The following EIF4E2 variants were observed in gnomAD, a reference collection of about 807,000 sequenced individuals.
EIF4E2 encodes eukaryotic translation initiation factor 4E type 2.
In EIF4E2, 13 loss-of-function variants were observed where a neutral mutation model predicts 34.2. That is an observed-to-expected ratio of 0.38 (90% CI 0.25 to 0.60). The LOEUF is 0.60. EIF4E2 is among the 20% of genes least tolerant of loss of function. The pLI, the probability that EIF4E2 is intolerant of heterozygous loss-of-function variation, is 0.62. For synonymous variants in EIF4E2, 100 were observed against 106.6 expected, an observed-to-expected ratio of 0.94 and a Z score of 0.38; for missense variants, 222 against 315.1, an observed-to-expected ratio of 0.70 and a Z score of 2.24.
intron 2 of EIF4E2, chr2:232,556,735 C>T: frequency 1.9e-6 from 1 of 534,606 alleles, no homozygotes; most frequent in Non-Finnish European, 3.4e-6. Flanking sequence ...TCTTGAGATG[C>T]TGCCTTGCTT....
intron 3 of EIF4E2, among the ~76,000 whole-genome samples, chr2:232,563,383 C>CCT (rs1692791644): frequency 6.8e-6 from 1 of 147,556 alleles, no homozygotes; most frequent in African/African-American, 2.5e-5. Flanking sequence ...GACCCTGTCT[C>CCT]TTTTTTTTTT....
At chr2:232,550,801 GC>G (rs1254328301) in intron 1 of EIF4E2, 57 bp downstream of exon 1, 3 of 1,482,514 alleles carry the variant, frequency 2.0e-6, no homozygotes, top group East Asian at 5.2e-5. Flanking sequence ...CCCCGCGCCC[GC>G]CCCCGCTGGG....
At chr2:232,559,488 A>G (rs1160299273) in intron 3 of EIF4E2, among the ~76,000 whole-genome samples, 2 of 152,348 alleles carry the variant, frequency 1.3e-5, no homozygotes, top group South Asian at 2.1e-4. Context: ...AGAATACTCC[A>G]GTAGGAAATA....
At chr2:232,575,794 G>A (rs1693197520) in intron 6 of EIF4E2, among the ~76,000 whole-genome samples, 1 of 152,118 alleles carries the variant, frequency 6.6e-6, no homozygotes, top group Admixed American at 6.5e-5. Flanking sequence ...CAGAAGCCAG[G>A]TGCTATAATG....
At chr2:232,559,843 A>G in intron 3 of EIF4E2, among the ~76,000 whole-genome samples, 1 of 144,230 alleles carries the variant, frequency 6.9e-6, no homozygotes, top group African/African-American at 2.5e-5. Flanking sequence ...AAAAAAAAAA[A>G]GGCTGGCCAT....
At chr2:232,557,113 C>T (rs990976521) in intron 2 of EIF4E2, among the ~76,000 whole-genome samples, 3 of 152,138 alleles carry the variant, frequency 2.0e-5, no homozygotes, top group East Asian at 3.9e-4. Flanking sequence ...GATGCTGTGG[C>T]GCGTGCCTGA....
At chr2:232,568,343 TC>T in intron 6 of EIF4E2, 2 of 985,442 alleles carry the variant, frequency 2.0e-6, no homozygotes, top group Non-Finnish European at 2.4e-6. Context: ...TGGGCGTTGG[TC>T]CATGATCAAA....
intron 1 of EIF4E2, among the ~76,000 whole-genome samples, chr2:232,552,465 CT>C (rs1692374208): frequency 6.6e-6 from 1 of 152,204 alleles, no homozygotes; most frequent in Non-Finnish European, 1.5e-5. Context: ...CCCACCTTGC[CT>C]CCTAAAGTGC....
At position 232,569,097 on chromosome 2, in the gene EIF4E2, G is replaced by T. The variant is rs1693030048; in HGVS notation, c.*80G>T. On this transcript the variant is annotated 3_prime_UTR_variant, in exon 7 of 7. Transcript: ENST00000258416. Reference sequence around the variant, plus strand: ...TGTTCTGTTGGCGTGCTACCTGGAAGATCCTTCTGTCCTGGACAAGAGGAA... The same window carrying T: ...TGTTCTGTTGGCGTGCTACCTGGAATATCCTTCTGTCCTGGACAAGAGGAA... 23 of 1,575,176 alleles carry T rather than the reference G, an allele frequency of 1.5e-5. No individual in the cohort carries two copies. The highest frequency in any genetic ancestry group is 1.9e-5 in the Non-Finnish European group (22 of 1,159,044).
chr2:232,577,869 A>C (rs1405077929), intron 6 of EIF4E2, among the ~76,000 whole-genome samples: 3 of 152,140 alleles, frequency 2.0e-5, no homozygotes, highest in African/African-American at 7.2e-5. Context: ...GGATTTGCTA[A>C]ATTTTAGTTT....
chr2:232,570,395 C>G (rs1411148240), downstream of EIF4E2, among the ~76,000 whole-genome samples: 1 of 152,190 alleles, frequency 6.6e-6, no homozygotes, highest in East Asian at 1.9e-4. Flanking sequence ...TTCTCTGGCT[C>G]TTTCCCTCTT....
chr2:232,550,747 G>C lies in EIF4E2; in HGVS notation c.20+3G>C. On this transcript the variant is annotated splice_donor_region_variant and intron_variant, in intron 1 of 6. Transcript: ENST00000258416. The stretch of plus-strand genomic sequence containing the variant: ...AGGATGAACAACAAGTTCGACGCGT[G>C]AGTGGCTCGTGGCCGCCCCCGGGGC... The C allele has an allele frequency of 6.4e-7, 1 of 1,574,534 alleles. No homozygotes were observed. The highest frequency in any genetic ancestry group is 8.6e-7 in the Non-Finnish European group (1 of 1,162,534).
intron 3 of EIF4E2, among the ~76,000 whole-genome samples, chr2:232,559,583 G>A (rs1692648694): frequency 6.6e-6 from 1 of 152,096 alleles, no homozygotes. Context: ...AGCCCTATGA[G>A]GTCAGTGATA....
intron 6 of EIF4E2, 178 bp from the exon 7 acceptor site, chr2:232,568,767 G>A (rs1346845688): frequency 1.0e-6 from 1 of 985,286 alleles, no homozygotes; most frequent in African/African-American, 1.7e-5. Context: ...TTTTGCCTTA[G>A]TCTGCTAGAA....
chr2:232,567,978 A>T (rs1191784308), intron 6 of EIF4E2: 1 of 970,902 alleles, frequency 1.0e-6, no homozygotes, highest in Non-Finnish European at 1.2e-6. Context: ...ATATGGCCCC[A>T]TACCAATATG....
chr2:232,552,826 T>C (rs1041103122), intron 1 of EIF4E2, among the ~76,000 whole-genome samples: 8 of 152,240 alleles, frequency 5.3e-5, no homozygotes, highest in African/African-American at 1.9e-4. Flanking sequence ...AAGCTTTCTT[T>C]CATTTGAAAT....
intron 3 of EIF4E2, among the ~76,000 whole-genome samples, chr2:232,563,394 CT>C (rs964796921): frequency 1.4e-5 from 2 of 138,042 alleles, no homozygotes; most frequent in South Asian, 2.3e-4. Flanking sequence ...TTTTTTTTTT[CT>C]TTTTTTTTAA....
rs1458392255 is a variant in EIF4E2, at chr2:232,581,118, G to A, written c.*175G>A. ...CCGCTAGACACCCTCCAGCATCGCTGACTTTATAAAGCGGAAAAACGGAAA... is the reference window on the plus strand; with the variant it reads ...CCGCTAGACACCCTCCAGCATCGCTAACTTTATAAAGCGGAAAAACGGAAA... On this transcript the variant is annotated 3_prime_UTR_variant, in exon 7 of 7. Transcript: ENST00000409098. This position sits in a 1 kb window ranked among gnomAD's most constrained non-coding sequence, Gnocchi z 5.2. The A allele has an allele frequency of 1.3e-6, 1 of 742,828 alleles. No homozygotes were observed. The highest frequency in any genetic ancestry group is 2.7e-5 in the East Asian group (1 of 37,190). 46.0% of individuals were successfully genotyped at this position (742,828 alleles called of 1,614,324 possible). A position where few individuals can be genotyped will look rare whatever the true frequency, so the allele number is the denominator to read the frequency against.
At chr2:232,575,318 A>G (rs938174496) in intron 6 of EIF4E2, among the ~76,000 whole-genome samples, 1 of 152,280 alleles carries the variant, frequency 6.6e-6, no homozygotes, top group African/African-American at 2.4e-5. Context: ...TCAGGGGTGT[A>G]GGTATGATAT....
Sources: allele counts gnomAD v4.1 joint callset (sites outside exome capture counted in the v4.1 genomes callset), GRCh38; gene constraint gnomAD v4.1.1; non-coding constraint Gnocchi (gnomAD v3.1); transcripts MANE v1.5; gene names NCBI Gene and HGNC (gene_info 2026-07-23, HGNC 2026-07-21).